ZDHHC1: variants seen among roughly 807,000 people sequenced by gnomAD.
ZDHHC1 encodes the protein zDHHC palmitoyltransferase 1, also known as palmitoyltransferase ZDHHC1.
Under a neutral mutation model 46.9 loss-of-function variants are expected in ZDHHC1, and 45 were observed. The observed-to-expected ratio is 0.96, with a 90% confidence interval of 0.76 to 1.23. ZDHHC1 has a LOEUF of 1.23. Among genes scored for constraint, ZDHHC1 ranks in the 50% most tolerant of loss-of-function variants. The pLI is 0.00. For missense variants in ZDHHC1, 649 were observed against 670.8 expected (o/e 0.97, Z 0.36); for synonymous variants, 291 against 286.0 (o/e 1.02, Z -0.18).
rs1251380463 is a variant in ZDHHC1 at position 67,394,909 on chromosome 16, G to C, written c.1166-16C>G. The C allele has an allele frequency of 3.8e-6, 6 of 1,569,848 alleles. No homozygotes were observed. In the South Asian group the frequency reaches 5.8e-5, roughly 15 times the overall value. ...GCCCTAGGCCCTGCGCAAGGGAAGG[G>C]AACATGAGCCCAGTGGCTGCGGCTC... On this transcript the variant is annotated splice_polypyrimidine_tract_variant and intron_variant, in intron 11 of 11. Coordinates refer to ENST00000565726, the MANE Select transcript of ZDHHC1 (RefSeq NM_001323627.2).
In ZDHHC1 at chr16:67,406,090, C is replaced by T; in HGVS notation, c.252+110G>A. The T allele has an allele frequency of 6.9e-7, 1 of 1,455,790 alleles. No individual in the cohort carries two copies. The highest frequency in any genetic ancestry group is 1.5e-5 in the South Asian group (1 of 68,192). 90.2% of individuals were successfully genotyped at this position (1,455,790 alleles called of 1,614,324 possible). On this transcript the variant is annotated intron_variant, in intron 3 of 11. Transcript: ENST00000565726. This position sits in a 1 kb window ranked among gnomAD's most constrained non-coding sequence, Gnocchi z 4.1. ...AGGACTGGGCCCACCCTGCTCCACT[C>T]TCCTGACTGTGCTCCCCAAGGCTCT...
chr16:67,400,081 C>G (rs902035618), intron 4 of ZDHHC1, among the ~76,000 whole-genome samples: 1 of 152,224 alleles, frequency 6.6e-6, no homozygotes, highest in African/African-American at 2.4e-5. Flanking sequence ...TCCCCCAGAA[C>G]AGGGCAGAGC....
intron 1 of ZDHHC1, among the ~76,000 whole-genome samples, chr16:67,413,832 T>C (rs8063846): frequency 2.6e-5 from 4 of 151,018 alleles, no homozygotes; most frequent in Non-Finnish European, 5.9e-5. Flanking sequence ...CCAGCTACTC[T>C]GGAGGCTGAG....
At chr16:67,414,004 C>T (rs1482055985) in intron 1 of ZDHHC1, among the ~76,000 whole-genome samples, 1 of 151,362 alleles carries the variant, frequency 6.6e-6, no homozygotes, top group Non-Finnish European at 1.5e-5. Context: ...CCAATTATTC[C>T]TGAGTTGACA....
In ZDHHC1 at chr16:67,395,588, G is replaced by A. The variant is rs1016375392; in HGVS notation, c.928-22C>T. ...TCTCCTGGGGAAGGTGGAAGTCAAGGAGGCTGGGAGGCCAGGTGTGGCTCC... is the reference window on the plus strand; with the variant it reads ...TCTCCTGGGGAAGGTGGAAGTCAAGAAGGCTGGGAGGCCAGGTGTGGCTCC... On this transcript the variant is annotated intron_variant, in intron 8 of 11. Coordinates refer to ENST00000565726, the MANE Select transcript of ZDHHC1 (RefSeq NM_001323627.2). The A allele has an allele frequency of 5.2e-6, 8 of 1,550,700 alleles. No homozygotes were observed. In the Admixed American group the frequency reaches 5.9e-5, roughly 11 times the overall value.
In ZDHHC1 at chr16:67,394,352, G is replaced by A. The variant is rs368583002; in HGVS notation, c.*258C>T. 73 of 179,844 alleles carry A rather than the reference G, an allele frequency of 4.1e-4. 1 individual carries two copies. The highest frequency in any genetic ancestry group is 1.6e-3 in the African/African-American group (68 of 42,290). 11.1% of individuals were successfully genotyped at this position (179,844 alleles called of 1,614,324 possible). On this transcript the variant is annotated 3_prime_UTR_variant, in exon 12 of 12. Transcript: ENST00000565726. ...TACAGGGACCTCCTCCCCGCCCCCG[G>A]TCCACTGGCCAGGGTCGGGCTTCTG... is the stretch of plus-strand genomic sequence containing the variant.
rs1279633226 is a variant in ZDHHC1, at chr16:67,406,209, A to G, written c.243T>C (p.Ala81=). ...VPLLPHHWVP[A]GYACMGAIFA... ...GCTTTCCCAAGGATACAGCGTAGCC[A>G]GCGGGCACCCAGTGGTGAGGCAGGA... Residue 81 remains alanine (A), a synonymous_variant, in exon 3 of 12, where the codon GCT becomes GCC. Transcript: ENST00000565726. This position sits in a 1 kb window ranked among gnomAD's most constrained non-coding sequence, Gnocchi z 4.1. 3 of 1,613,738 alleles carry G rather than the reference A, an allele frequency of 1.9e-6. No individual in the cohort carries two copies. The African/African-American group carries it at 4.0e-5, about 22-fold the overall frequency.
intron 3 of ZDHHC1, among the ~76,000 whole-genome samples, chr16:67,405,803 T>G (rs1281209293): frequency 6.6e-6 from 1 of 152,230 alleles, no homozygotes; most frequent in Non-Finnish European, 1.5e-5. Context: ...AATTCTACGG[T>G]GACTCTTTGA....
chr16:67,408,971 A>T (rs1374623409), intron 1 of ZDHHC1, among the ~76,000 whole-genome samples: 1 of 152,210 alleles, frequency 6.6e-6, no homozygotes, highest in African/African-American at 2.4e-5. Flanking sequence ...CTTTGAAAGG[A>T]ATCCATTAAT....
At position 67,399,369 on chromosome 16, in the gene ZDHHC1, G is replaced by A. The variant is rs575952827; in HGVS notation, c.516C>T (p.Gly172=). Residue 172 remains glycine (G), a synonymous_variant, in exon 5 of 12, where the codon GGC becomes GGT. Coordinates refer to ENST00000565726, the MANE Select transcript of ZDHHC1 (RefSeq NM_001323627.2). ...HHCKWLNNCV[G]ERNYRLFLHS... ...GCTGTCCTCACCGGTAGTTCCGCTC[G>A]CCCACACAGTTGTTGAGCCACTTGC... The A allele has an allele frequency of 3.7e-6, 6 of 1,612,912 alleles. No individual in the cohort carries two copies. Among genetic ancestry groups the A allele is most frequent in the South Asian group, 1.1e-5 (1 of 91,056 alleles).
intron 3 of ZDHHC1, among the ~76,000 whole-genome samples, chr16:67,405,872 C>G (rs2040645354): frequency 6.6e-6 from 1 of 152,262 alleles, no homozygotes; most frequent in South Asian, 2.1e-4. Context: ...CTTTGTTCAG[C>G]TCTGAACACA....
At chr16:67,399,684 G>T (rs984083329) in intron 4 of ZDHHC1, among the ~76,000 whole-genome samples, 5 of 152,140 alleles carry the variant, frequency 3.3e-5, no homozygotes, top group African/African-American at 1.2e-4. Context: ...CCGCAGGAGG[G>T]GTAAGGAGGT....
chr16:67,405,183 T>C (rs2040630947), intron 3 of ZDHHC1, among the ~76,000 whole-genome samples: 1 of 152,206 alleles, frequency 6.6e-6, no homozygotes, highest in African/African-American at 2.4e-5. Context: ...ACCCTGCCAC[T>C]CACCAGCCCA....
In ZDHHC1 at chr16:67,395,195, G is replaced by A. The variant is rs373902848; in HGVS notation, c.1096C>T (p.Arg366Ter). ...AGCACAGTCCCTCCTACCTGGGGTC[G>A]GATCCGGGGAGGCAGGGCGAGAGTG... is the stretch of plus-strand genomic sequence containing the variant. ...PDTLALPPRI[R>*]PQKKRKRRVY... The change falls in exon 10 of 12, where the codon CGA becomes TGA. Residue 366 changes from arginine (R) to a stop codon, truncating the protein, a stop_gained. Coordinates refer to ENST00000565726, the MANE Select transcript of ZDHHC1 (RefSeq NM_001323627.2). LOFTEE classifies it high-confidence loss of function. The A allele has an allele frequency of 1.9e-6, 3 of 1,612,396 alleles. No homozygotes were observed. Among genetic ancestry groups the A allele is most frequent in the South Asian group, 1.1e-5 (1 of 90,926 alleles).
intron 8 of ZDHHC1, among the ~76,000 whole-genome samples, chr16:67,397,465 C>T (rs1037613833): frequency 1.2e-4 from 18 of 152,214 alleles, no homozygotes; most frequent in African/African-American, 4.1e-4. Flanking sequence ...GTGTCCAGCC[C>T]TGGTGACAAG....
At chr16:67,408,472 G>A (rs1452085973) in intron 1 of ZDHHC1, among the ~76,000 whole-genome samples, 1 of 151,328 alleles carries the variant, frequency 6.6e-6, no homozygotes, top group Non-Finnish European at 1.5e-5. Flanking sequence ...ACCGTGCCCG[G>A]CCTTGCTTTG....
chr16:67,398,779 C>T, intron 6 of ZDHHC1, 41 bp downstream of exon 6: 8 of 1,612,258 alleles, frequency 5.0e-6, no homozygotes, highest in Non-Finnish European at 6.8e-6. Context: ...TGACGGGTGA[C>T]CAGGGTTGGG....
At chr16:67,408,300 G>A (rs957395131) in intron 1 of ZDHHC1, among the ~76,000 whole-genome samples, 6 of 151,630 alleles carry the variant, frequency 4.0e-5, no homozygotes, top group African/African-American at 1.5e-4. Context: ...AGAGTAGCTG[G>A]AAGTACAGGC....
At position 67,394,836 on chromosome 16, in the gene ZDHHC1, G is replaced by A; in HGVS notation, c.1223C>T (p.Pro408Leu). The part of the protein sequence containing the change: ...SSSTDSADAS[P>L]VHAAGPAGAY... ...GCCGGCAGGGCCAGCGGCGTGCACA[G>A]GGCTGGCGTCCGCGGAATCCGTCGA... The change falls in exon 12 of 12, where the codon CCT becomes CTT. Residue 408 changes from proline (P) to leucine (L), a missense_variant. Pro to Leu is a moderately conservative substitution (Grantham distance 98, BLOSUM62 -3). Transcript: ENST00000565726. The A allele has an allele frequency of 1.3e-6, 2 of 1,549,920 alleles. No individual in the cohort carries two copies. The highest frequency in any genetic ancestry group is 2.4e-5 in the South Asian group (2 of 84,610).
Sources: allele counts gnomAD v4.1 joint callset (sites outside exome capture counted in the v4.1 genomes callset), GRCh38; gene constraint gnomAD v4.1.1; non-coding constraint Gnocchi (gnomAD v3.1); transcripts MANE v1.5; gene names NCBI Gene and HGNC (gene_info 2026-07-23, HGNC 2026-07-21).